The following ADGB variants were observed in gnomAD, a reference collection of about 807,000 sequenced individuals.
ADGB encodes the protein calpain-7-like protein.
A neutral mutation model predicts 210.5 loss-of-function variants in ADGB; 172 were observed. That is an observed-to-expected ratio of 0.82 (90% CI 0.72 to 0.93). ADGB has a LOEUF of 0.93. Among genes scored for constraint, ADGB ranks in the 40% least tolerant of loss-of-function variants. ADGB has a pLI of 0.00. For synonymous variants in ADGB, 658 were observed against 662.7 expected, an observed-to-expected ratio of 0.99 and a Z score of 0.11; for missense variants, 2,025 against 1,964.8, an observed-to-expected ratio of 1.03 and a Z score of -0.58.
At chr6:146,756,123 C>T (rs962670522) in intron 27 of ADGB, among the ~76,000 whole-genome samples, 1 of 152,018 alleles carries the variant, frequency 6.6e-6, no homozygotes, top group African/African-American at 2.4e-5. Context: ...ATCCCATCAT[C>T]TTACACAGGC....
chr6:146,692,349 C>T (rs920873991), intron 11 of ADGB, among the ~76,000 whole-genome samples: 9 of 152,160 alleles, frequency 5.9e-5, no homozygotes, highest in African/African-American at 2.2e-4. Flanking sequence ...CCTCTCCTGA[C>T]CTGCTGCTTT....
chr6:146,632,523 T>C (rs1237636024), intron 1 of ADGB, among the ~76,000 whole-genome samples: 1 of 152,138 alleles, frequency 6.6e-6, no homozygotes, highest in Non-Finnish European at 1.5e-5. Flanking sequence ...GTATTTGAAG[T>C]AGGGGTTGGT....
chr6:146,814,798 AT>A (rs1248270958), intron 35 of ADGB, among the ~76,000 whole-genome samples: 1 of 152,056 alleles, frequency 6.6e-6, no homozygotes, highest in South Asian at 2.1e-4. Context: ...TGTTTTGACT[AT>A]TTTTTCTACA....
At chr6:146,653,766 C>T (rs188487061) in intron 3 of ADGB, among the ~76,000 whole-genome samples, 1 of 152,228 alleles carries the variant, frequency 6.6e-6, no homozygotes, top group East Asian at 1.9e-4. Flanking sequence ...AAAAATTTAC[C>T]TGCATATATA....
At chr6:146,735,560 A>G (rs938624792) in intron 22 of ADGB, among the ~76,000 whole-genome samples, 3 of 152,182 alleles carry the variant, frequency 2.0e-5, no homozygotes, top group Non-Finnish European at 4.4e-5. Flanking sequence ...CCACTTCTCA[A>G]TGCTGTTACT....
rs1019044452 is a variant in ADGB, at chr6:146,738,650, G to C, written c.2889-1809G>C. Reference sequence around the variant, plus strand: ...TTTTTAGTAAAGACGGGGTTTCACCGTGTTAGCCAGGATGGTCTCGATCTC... The same window carrying C: ...TTTTTAGTAAAGACGGGGTTTCACCCTGTTAGCCAGGATGGTCTCGATCTC... On this transcript the variant is annotated intron_variant, in intron 23 of 35. Coordinates refer to ENST00000397944, the MANE Select transcript of ADGB (RefSeq NM_024694.4). 3.3e-5 allele frequency among the ~76,000 whole-genome samples: 5 copies of C among 151,744 alleles called. No homozygotes were observed. In the East Asian group the frequency reaches 9.8e-4, roughly 30 times the overall value.
intron 2 of ADGB, chr6:146,639,817 T>C (rs1775481183): frequency 1.3e-5 from 2 of 151,926 alleles, no homozygotes; most frequent in African/African-American, 4.8e-5. Flanking sequence ...AAGAGGTCCG[T>C]AATTTTAATT....
intron 29 of ADGB, among the ~76,000 whole-genome samples, chr6:146,769,983 C>G (rs1327675): frequency 0.52 from 78,652 of 151,852 alleles, 21,041 homozygotes; most frequent in African/African-American, 0.62. Context: ...CTCTAAGAAA[C>G]AGTAAATTTT....
At chr6:146,617,607 T>C (rs1483456341) in intron 1 of ADGB, among the ~76,000 whole-genome samples, 1 of 151,920 alleles carries the variant, frequency 6.6e-6, no homozygotes, top group Non-Finnish European at 1.5e-5. Flanking sequence ...TGTTTTCAGG[T>C]ATATTCCTTC....
Position 146,763,340 on chromosome 6 carries a change from T to C in ADGB, c.3551-561T>C, listed in dbSNP as rs926897225. ...AGAATATCCCTGTGTCAGTCACTTA[T>C]GTTTTTTCAATACATGTTTGATGAA... On this transcript the variant is annotated intron_variant, in intron 27 of 35. Transcript: ENST00000397944. Among the ~76,000 whole-genome samples, 25 of 152,154 alleles carry C rather than the reference T, an allele frequency of 1.6e-4. 1 individual carries two copies. The highest frequency in any genetic ancestry group is 1.4e-3 in the Admixed American group (21 of 15,270).
intron 27 of ADGB, among the ~76,000 whole-genome samples, chr6:146,755,106 A>T (rs1431616331): frequency 1.3e-5 from 2 of 152,022 alleles, no homozygotes; most frequent in African/African-American, 2.4e-5. Flanking sequence ...TTATATTTTT[A>T]AAATAAACAT....
intron 1 of ADGB, among the ~76,000 whole-genome samples, chr6:146,623,645 G>A (rs751145264): frequency 1.7e-4 from 26 of 151,836 alleles, no homozygotes; most frequent in Non-Finnish European, 3.1e-4. Context: ...AAATGAGAAT[G>A]TATATTCTTG....
rs2114681087 is a variant in ADGB, at chr6:146,815,112, A to G, written c.4899A>G (p.Leu1633=). ...YRNKLLEAEH[L]KLETLAAQEA... is the part of the protein sequence containing the mutation. The stretch of plus-strand genomic sequence containing the variant: ...ACAAATTGCTGGAAGCTGAGCACCT[A>G]AAGCTGGAAACTCTGGCTGCTCAGG... The change falls in exon 36 of 36, where the codon CTA becomes CTG. Residue 1633 remains leucine, a synonymous_variant. Transcript: ENST00000397944. 11 of 1,548,886 alleles carry G rather than the reference A, an allele frequency of 7.1e-6. No individual in the cohort carries two copies. Among genetic ancestry groups the G allele is most frequent in the Non-Finnish European group, 9.6e-6 (11 of 1,146,302 alleles).
chr6:146,789,607 A>T (rs1173468103), intron 33 of ADGB, among the ~76,000 whole-genome samples: 1 of 152,234 alleles, frequency 6.6e-6, no homozygotes, highest in Non-Finnish European at 1.5e-5. Context: ...CTAACAAGAG[A>T]TTCTGATATT....
At chr6:146,659,686 T>C (rs1017192901) in intron 5 of ADGB, among the ~76,000 whole-genome samples, 1 of 152,182 alleles carries the variant, frequency 6.6e-6, no homozygotes, top group Non-Finnish European at 1.5e-5. Flanking sequence ...TAGAAATTTA[T>C]TGAGTAGCAT....
intron 35 of ADGB, among the ~76,000 whole-genome samples, chr6:146,811,710 C>T (rs554748289): frequency 6.6e-6 from 1 of 152,244 alleles, no homozygotes; most frequent in African/African-American, 2.4e-5. Context: ...CTCCCTCTGT[C>T]TCCCAGGCTG....
chr6:146,803,479 T>A (rs1230634473), intron 35 of ADGB: 2 of 1,603,982 alleles, frequency 1.2e-6, no homozygotes, highest in South Asian at 2.2e-5. Flanking sequence ...TGGAAAGGGA[T>A]GATGAACTTT....
intron 13 of ADGB, among the ~76,000 whole-genome samples, chr6:146,712,184 GT>G (rs112151598): frequency 1.3e-5 from 2 of 149,898 alleles, no homozygotes; most frequent in Non-Finnish European, 3.0e-5. Context: ...GTTTTGTTTT[GT>G]TTTTTTTTGT....
At chr6:146,615,969 T>C (rs1163885960) in intron 1 of ADGB, among the ~76,000 whole-genome samples, 2 of 152,148 alleles carry the variant, frequency 1.3e-5, no homozygotes, top group African/African-American at 4.8e-5. Context: ...TCTATTTTTG[T>C]TTATTTGAGG....
Sources: allele counts gnomAD v4.1 joint callset (sites outside exome capture counted in the v4.1 genomes callset), GRCh38; gene constraint gnomAD v4.1.1; transcripts MANE v1.5; gene names NCBI Gene and HGNC (gene_info 2026-07-23, HGNC 2026-07-21).